Variants in PTPN6 observed in about 807,000 individuals in gnomAD.
The protein encoded by PTPN6 is protein tyrosine phosphatase non-receptor type 6, also known as tyrosine-protein phosphatase non-receptor type 6.
A neutral mutation model predicts 81.5 loss-of-function variants in PTPN6; 18 were observed. That is an observed-to-expected ratio of 0.22 (90% confidence interval 0.15 to 0.33). The LOEUF (loss-of-function observed/expected upper bound fraction) is 0.33. Ranked by LOEUF, PTPN6 falls within the 10% of genes least tolerant of loss-of-function variation. The probability of loss-of-function intolerance (pLI) is 1.00; values close to 1 mark genes in which losing one functional copy is unlikely to be tolerated. For synonymous variants in PTPN6, 301 were observed against 310.9 expected (o/e 0.97, Z 0.33); for missense variants, 500 against 794.2 (o/e 0.63, Z 4.45).
chr12:6,951,783 C>T lies in PTPN6; in HGVS notation c.131+52C>T. ...CATTTTGGCCACTCTCTTGTGCCAT[C>T]CAGGCCCTGAACCACTCATTCCTGG... On this transcript the variant is annotated intron_variant, in intron 2 of 15. Coordinates refer to ENST00000318974, the MANE Select transcript of PTPN6 (RefSeq NM_002831.6). The surrounding 1 kb of genome is among the most constrained non-coding windows in gnomAD (Gnocchi z 7.2). 3.1e-6 allele frequency: 5 copies of T among 1,604,442 alleles called. No individual in the cohort carries two copies. The highest frequency in any genetic ancestry group is 4.2e-6 in the Non-Finnish European group (5 of 1,179,788).
At chr12:6,947,533 G>T (rs1255044442), upstream of PTPN6, among the ~76,000 whole-genome samples, 1 of 152,046 alleles carries the variant, frequency 6.6e-6, no homozygotes, top group Non-Finnish European at 1.5e-5. Context: ...GCTGGGTGTG[G>T]TGGCACACGT....
At chr12:6,948,676 C>A (rs1350782231), upstream of PTPN6, among the ~76,000 whole-genome samples, 1 of 151,908 alleles carries the variant, frequency 6.6e-6, no homozygotes, top group Non-Finnish European at 1.5e-5. Context: ...CATGGTGGCT[C>A]AAGCCTGTAA....
rs1945988040 is a variant in PTPN6 at position 6,954,573 on chromosome 12, CAGTG to C, written c.327-228_327-225del. ...CTAGAGTCAGTCAAGGGCCCTAGGC[CAGTG>C]AGTAACAGCTCAGCGTCAGTTTCCT... On this transcript the variant is annotated intron_variant, in intron 3 of 15. Coordinates refer to ENST00000318974, the MANE Select transcript of PTPN6 (RefSeq NM_002831.6). The surrounding 1 kb of genome is among the most constrained non-coding windows in gnomAD (Gnocchi z 5.4). 6.6e-6 allele frequency among the ~76,000 whole-genome samples: 1 copy of C among 152,164 alleles called. No homozygotes were observed. Among genetic ancestry groups the C allele is most frequent in the African/African-American group, 2.4e-5 (1 of 41,414 alleles).
rs1946083518 is a variant in PTPN6, at chr12:6,959,142, G to A, written c.1362-785G>A. 6.6e-6 allele frequency among the ~76,000 whole-genome samples: 1 copy of A among 152,224 alleles called. No individual in the cohort carries two copies. The highest frequency in any genetic ancestry group is 6.5e-5 in the Admixed American group (1 of 15,284). On this transcript the variant is annotated intron_variant, in intron 11 of 15. Transcript: ENST00000318974. This position sits in a 1 kb window ranked among gnomAD's most constrained non-coding sequence, Gnocchi z 6.6. ...GAGGTGCCCCCGATGGGCTGTCCGGGGACGCGGCTCTGTCCTGTGCTCTCT... is the reference window on the plus strand; with the variant it reads ...GAGGTGCCCCCGATGGGCTGTCCGGAGACGCGGCTCTGTCCTGTGCTCTCT...
chr12:6,952,239 C>G lies in PTPN6; in HGVS notation c.326+62C>G. On this transcript the variant is annotated intron_variant, in intron 3 of 15. Transcript: ENST00000318974. The surrounding 1 kb of genome is among the most constrained non-coding windows in gnomAD (Gnocchi z 8.1). ...ATGAGCCGGCTCCCACCCTGAACAG[C>G]CAGGGAGGCAGGGAGACTGGCAGCC... The G allele has an allele frequency of 1.3e-6, 2 of 1,588,590 alleles. No homozygotes were observed. The highest frequency in any genetic ancestry group is 1.7e-6 in the Non-Finnish European group (2 of 1,159,788).
chr12:6,957,170 T>A lies in PTPN6; in HGVS notation c.1075-484T>A, dbSNP rs80022184. Among the ~76,000 whole-genome samples, 1 of 152,318 alleles carries A rather than the reference T, an allele frequency of 6.6e-6. No individual in the cohort carries two copies. The highest frequency in any genetic ancestry group is 1.9e-4 in the East Asian group (1 of 5,176). ...TGCTAGGAAATGACTCTCTCCACAC[T>A]ATCTCTGCCTGGCAGATGCCTCGTT... On this transcript the variant is annotated intron_variant, in intron 9 of 15. Coordinates refer to ENST00000318974, the MANE Select transcript of PTPN6 (RefSeq NM_002831.6). The surrounding 1 kb of genome is among the most constrained non-coding windows in gnomAD (Gnocchi z 6.5).
Position 6,951,455 on chromosome 12 carries a change from C to T in PTPN6, c.-58C>T. 6.2e-7 allele frequency: 1 copy of T among 1,611,334 alleles called. No homozygotes were observed. Among genetic ancestry groups the T allele is most frequent in the Non-Finnish European group, 8.5e-7 (1 of 1,178,872 alleles). On this transcript the variant is annotated 5_prime_UTR_variant, in exon 1 of 16. Coordinates refer to ENST00000318974, the MANE Select transcript of PTPN6 (RefSeq NM_002831.6). This position sits in a 1 kb window ranked among gnomAD's most constrained non-coding sequence, Gnocchi z 7.2. Reference sequence around the variant, plus strand: ...CTTAGTCCCTGAGCTCTCTGCCTGCCCAGACTAGCTGCACCTCCTCATTCC... The same window carrying T: ...CTTAGTCCCTGAGCTCTCTGCCTGCTCAGACTAGCTGCACCTCCTCATTCC...
rs372380210 is a variant in PTPN6 at position 6,954,958 on chromosome 12, C to T, written c.480C>T (p.Ser160=). 4 of 1,614,032 alleles carry T rather than the reference C, an allele frequency of 2.5e-6. No homozygotes were observed. The South Asian group carries it at 4.4e-5, about 18-fold the overall frequency. The stretch of plus-strand genomic sequence containing the variant: ...ACCAGCCCAAGGCTGGCCCAGGCTC[C>T]CCGCTCAGGGTCACCCACATCAAGG... ...LSDQPKAGPG[S]PLRVTHIKVM... is the part of the protein sequence containing the mutation. Residue 160 remains serine (S), a synonymous_variant, in exon 4 of 16, where the codon TCC becomes TCT. Transcript: ENST00000318974. The surrounding 1 kb of genome is among the most constrained non-coding windows in gnomAD (Gnocchi z 5.4).
chr12:6,956,330 T>G lies in PTPN6; in HGVS notation c.925-89T>G. On this transcript the variant is annotated intron_variant, in intron 8 of 15. Coordinates refer to ENST00000318974, the MANE Select transcript of PTPN6 (RefSeq NM_002831.6). The surrounding 1 kb of genome is among the most constrained non-coding windows in gnomAD (Gnocchi z 4.1). ...CTGGGCAAAGCCGAAGCTGGCTTCT[T>G]GCATGGGTGAGGGTGGCAGTGGTTC... 3 of 1,611,650 alleles carry G rather than the reference T, an allele frequency of 1.9e-6. No homozygotes were observed. Among genetic ancestry groups the G allele is most frequent in the Non-Finnish European group, 2.5e-6 (3 of 1,177,838 alleles).
chr12:6,956,257 G>A lies in PTPN6; in HGVS notation c.924+36G>A, dbSNP rs782029292. ...TGGGCCACGTGGGAGGAGAGGCTGG[G>A]CCCTGGGAATTCCCTGTCTGGTGGG... On this transcript the variant is annotated intron_variant, in intron 8 of 15. Coordinates refer to ENST00000318974, the MANE Select transcript of PTPN6 (RefSeq NM_002831.6). This position sits in a 1 kb window ranked among gnomAD's most constrained non-coding sequence, Gnocchi z 4.1. The A allele has an allele frequency of 2.5e-6, 4 of 1,612,232 alleles. No homozygotes were observed. Among genetic ancestry groups the A allele is most frequent in the East Asian group, 2.2e-5 (1 of 44,886 alleles).
In PTPN6 at chr12:6,952,656, G is replaced by A. The variant is rs909797480; in HGVS notation, c.326+479G>A. On this transcript the variant is annotated intron_variant, in intron 3 of 15. Coordinates refer to ENST00000318974, the MANE Select transcript of PTPN6 (RefSeq NM_002831.6). The surrounding 1 kb of genome is among the most constrained non-coding windows in gnomAD (Gnocchi z 8.1). ...AGACACTTGATGCCTTGTCCCAGCC[G>A]CCCCGTGGGGATGGGTCTGTCCTGT... 1.6e-5 allele frequency: 4 copies of A among 255,282 alleles called. No homozygotes were observed. The highest frequency in any genetic ancestry group is 4.5e-5 in the African/African-American group (2 of 44,862). 15.8% of individuals were successfully genotyped at this position (255,282 alleles called of 1,614,324 possible). A position where few individuals can be genotyped will look rare whatever the true frequency, so the allele number is the denominator to read the frequency against.
rs1565582726 is a variant in PTPN6, at chr12:6,956,378, G to A, written c.925-41G>A. On this transcript the variant is annotated intron_variant, in intron 8 of 15. Transcript: ENST00000318974. The surrounding 1 kb of genome is among the most constrained non-coding windows in gnomAD (Gnocchi z 4.1). ...TTCAGGGCCTGTGCTGGGCCAAGGG[G>A]CTCACTGTCTTGGGGTGCGTCTCTC... 6.2e-7 allele frequency: 1 copy of A among 1,613,948 alleles called. No individual in the cohort carries two copies. The highest frequency in any genetic ancestry group is 8.5e-7 in the Non-Finnish European group (1 of 1,179,996).
upstream of PTPN6, among the ~76,000 whole-genome samples, chr12:6,950,353 G>T (rs1356545363): frequency 6.6e-6 from 1 of 151,988 alleles, no homozygotes; most frequent in Non-Finnish European, 1.5e-5. Flanking sequence ...CCTCGTTTTG[G>T]TTTGGCGGTG....
At chr12:6,949,214 G>C (rs1399229029), upstream of PTPN6, among the ~76,000 whole-genome samples, 1 of 152,164 alleles carries the variant, frequency 6.6e-6, no homozygotes, top group Non-Finnish European at 1.5e-5. Context: ...TCTCAGCCTG[G>C]CCTTGAATGA....
Position 6,954,701 on chromosome 12 carries a change from G to T in PTPN6, c.327-104G>T, listed in dbSNP as rs1591686531. 8.5e-7 allele frequency: 1 copy of T among 1,177,452 alleles called. No homozygotes were observed. The highest frequency in any genetic ancestry group is 1.3e-5 in the South Asian group (1 of 76,740). The allele number at this position is 1,177,452 out of a possible 1,614,324, so 72.9% of individuals were successfully genotyped here. ...TTGGAAGCATGTAGCGCAGTGCCTG[G>T]CACACAGTAGGTGCTTGATTTCCGG... On this transcript the variant is annotated intron_variant, in intron 3 of 15. Coordinates refer to ENST00000318974, the MANE Select transcript of PTPN6 (RefSeq NM_002831.6). This position sits in a 1 kb window ranked among gnomAD's most constrained non-coding sequence, Gnocchi z 5.4.
rs754255009 is a variant in PTPN6 at position 6,956,195 on chromosome 12, G to A, written c.898G>A (p.Asp300Asn). ...ACGGGACAGTAACATCCCCGGGTCC[G>A]ACTACATCAATGCCAACTACATCAA... The part of the protein sequence containing the change: ...QGRDSNIPGS[D>N]YINANYIKNQ... Residue 300 changes from aspartate (D) to asparagine (N), a missense_variant, in exon 8 of 16, where the codon GAC (aspartate) becomes AAC (asparagine). Physicochemically the swap from Asp to Asn is conservative, Grantham distance 23. Transcript: ENST00000318974. The surrounding 1 kb of genome is among the most constrained non-coding windows in gnomAD (Gnocchi z 4.1). 5 of 1,614,058 alleles carry A rather than the reference G, an allele frequency of 3.1e-6. No individual in the cohort carries two copies. The Admixed American group carries it at 5.0e-5, about 16-fold the overall frequency.
At chr12:6,948,454 AGGG>A, upstream of PTPN6, among the ~76,000 whole-genome samples, 1 of 146,890 alleles carries the variant, frequency 6.8e-6, no homozygotes, top group African/African-American at 2.5e-5. Context: ...AAAAAAAGAG[AGGG>A]AAGGAAAGAA....
In PTPN6 at chr12:6,954,318, T is replaced by C. The variant is rs1297765289; in HGVS notation, c.327-487T>C. ...GGTCTGCGTTTCTCTTTGCCTCTGGTCTCTGCTGGGGCACAGTCCCATCCT... is the reference window on the plus strand; with the variant it reads ...GGTCTGCGTTTCTCTTTGCCTCTGGCCTCTGCTGGGGCACAGTCCCATCCT... On this transcript the variant is annotated intron_variant, in intron 3 of 15. Coordinates refer to ENST00000318974, the MANE Select transcript of PTPN6 (RefSeq NM_002831.6). This position sits in a 1 kb window ranked among gnomAD's most constrained non-coding sequence, Gnocchi z 5.4. Among the ~76,000 whole-genome samples the C allele has an allele frequency of 1.4e-5, 2 of 145,252 alleles. No homozygotes were observed. Among genetic ancestry groups the C allele is most frequent in the Non-Finnish European group, 2.9e-5 (2 of 67,994 alleles).
chr12:6,947,566 G>A (rs1310086748), upstream of PTPN6, among the ~76,000 whole-genome samples: 1 of 151,890 alleles, frequency 6.6e-6, no homozygotes, highest in Non-Finnish European at 1.5e-5. Flanking sequence ...GCTATGGAGA[G>A]GCTAAGGTGA....
Sources: allele counts gnomAD v4.1 joint callset (sites outside exome capture counted in the v4.1 genomes callset), GRCh38; gene constraint gnomAD v4.1.1; non-coding constraint Gnocchi (gnomAD v3.1); transcripts MANE v1.5; gene names NCBI Gene and HGNC (gene_info 2026-07-23, HGNC 2026-07-21).